Variants in SNX24 observed in about 807,000 individuals in gnomAD.
SNX24 encodes sorting nexin 24.
A neutral mutation model predicts 28.7 loss-of-function variants in SNX24; 22 were observed. That is an observed-to-expected ratio of 0.77 (90% CI 0.55 to 1.10). SNX24 has a LOEUF of 1.10. SNX24 is among the 50% of genes least tolerant of loss of function. The pLI is 0.00. For missense variants in SNX24, 221 were observed against 201.1 expected (o/e 1.10, Z -0.60); for synonymous variants, 69 against 71.5 (o/e 0.96, Z 0.18).
rs533313276 is a variant in SNX24 at position 122,977,667 on chromosome 5, A to G, written c.250-22245A>G. On this transcript the variant is annotated intron_variant, in intron 3 of 6. Coordinates refer to ENST00000261369, the MANE Select transcript of SNX24 (RefSeq NM_014035.4). ...GTTGACTCAAAGCTACTGCACTTCT[A>G]TAGTCATGCTGTTGCTGTTAATTTC... 9.2e-5 allele frequency among the ~76,000 whole-genome samples: 14 copies of G among 152,300 alleles called. No homozygotes were observed. The South Asian group carries it at 1.5e-3, about 16-fold the overall frequency.
chr5:122,914,337 G>C (rs1398742543), intron 1 of SNX24, among the ~76,000 whole-genome samples: 1 of 152,360 alleles, frequency 6.6e-6, no homozygotes, highest in Non-Finnish European at 1.5e-5. Context: ...TGTTCATCAA[G>C]GATATTGGTC....
At chr5:122,852,737 C>G (rs1754981013) in intron 1 of SNX24, among the ~76,000 whole-genome samples, 1 of 152,160 alleles carries the variant, frequency 6.6e-6, no homozygotes, top group African/African-American at 2.4e-5. Context: ...GATTTTTCAA[C>G]ACAGAATTGC....
chr5:122,860,297 C>T (rs1178119378), intron 1 of SNX24, among the ~76,000 whole-genome samples: 3 of 148,428 alleles, frequency 2.0e-5, no homozygotes, highest in Non-Finnish European at 4.4e-5. Flanking sequence ...ACTCCCAGAC[C>T]GCTTAGATAG....
downstream of SNX24, among the ~76,000 whole-genome samples, chr5:123,012,252 T>C (rs1430839999): frequency 6.6e-6 from 1 of 152,196 alleles, no homozygotes; most frequent in African/African-American, 2.4e-5. Flanking sequence ...AACGGACTAA[T>C]ACATATATTC....
intron 1 of SNX24, among the ~76,000 whole-genome samples, chr5:122,916,274 A>C (rs528906536): frequency 2.6e-5 from 4 of 152,268 alleles, no homozygotes; most frequent in South Asian, 2.1e-4. Context: ...TTGCATGAGG[A>C]AAATGTGCTT....
intron 1 of SNX24, among the ~76,000 whole-genome samples, chr5:122,908,027 G>T (rs917225422): frequency 1.3e-5 from 2 of 152,096 alleles, no homozygotes; most frequent in African/African-American, 4.8e-5. Flanking sequence ...AATCAGGTTA[G>T]TAATACATTG....
intron 1 of SNX24, among the ~76,000 whole-genome samples, chr5:122,872,497 GA>G (rs201186267): frequency 0.013 from 1,927 of 152,138 alleles, 20 homozygotes; most frequent in Non-Finnish European, 0.021. Flanking sequence ...ATCCGTGGGG[GA>G]TTGGTTCCAG....
chr5:122,877,131 T>C (rs1756261050), intron 1 of SNX24, among the ~76,000 whole-genome samples: 1 of 152,008 alleles, frequency 6.6e-6, no homozygotes, highest in Admixed American at 6.6e-5. Context: ...GAGGGCACAT[T>C]CTGGTAGGGA....
chr5:122,991,909 C>G (rs565370595), intron 3 of SNX24, among the ~76,000 whole-genome samples: 1 of 152,022 alleles, frequency 6.6e-6, no homozygotes, highest in South Asian at 2.1e-4. Context: ...TTTAATTGAA[C>G]CAATTTCAAT....
rs771674808 is a variant in SNX24, at chr5:122,853,653, T to A, written c.60+7960T>A. 63 of 374,720 alleles carry A rather than the reference T, an allele frequency of 1.7e-4. 2 individuals are homozygous for A. Among genetic ancestry groups the A allele is most frequent in the South Asian group, 1.2e-3 (61 of 49,770 alleles). The allele number at this position is 374,720 out of a possible 1,614,324, so 23.2% of individuals were successfully genotyped here. ...ATGTTATTTTCAAATTTATGTATTT[T>A]AAAAAATTTTTTTCGTACAGGTGAG... is the stretch of plus-strand genomic sequence containing the variant. On this transcript the variant is annotated intron_variant, in intron 1 of 6. Coordinates refer to ENST00000261369, the MANE Select transcript of SNX24 (RefSeq NM_014035.4).
chr5:122,886,391 A>G (rs1756714926), intron 1 of SNX24, among the ~76,000 whole-genome samples: 1 of 151,992 alleles, frequency 6.6e-6, no homozygotes, highest in African/African-American at 2.4e-5. Context: ...CCTCTCTTCT[A>G]TTAGGTGGAT....
intron 1 of SNX24, among the ~76,000 whole-genome samples, chr5:122,846,962 T>A (rs1310628408): frequency 6.6e-6 from 1 of 152,050 alleles, no homozygotes; most frequent in African/African-American, 2.4e-5. Context: ...CAAGGCTTTT[T>A]TTTTTTTTTC....
chr5:122,898,101 A>G (rs1330403585), intron 1 of SNX24, among the ~76,000 whole-genome samples: 1 of 152,178 alleles, frequency 6.6e-6, no homozygotes, highest in Non-Finnish European at 1.5e-5. Context: ...TGGAATTGTG[A>G]TCTGTTGTCT....
chr5:122,857,250 G>A (rs1442728620), intron 1 of SNX24, among the ~76,000 whole-genome samples: 1 of 151,970 alleles, frequency 6.6e-6, no homozygotes, highest in Non-Finnish European at 1.5e-5. Flanking sequence ...GACCTCAGGT[G>A]ATCTGCCTGC....
chr5:122,970,962 G>A (rs1322869060), intron 3 of SNX24, among the ~76,000 whole-genome samples: 1 of 152,216 alleles, frequency 6.6e-6, no homozygotes, highest in African/African-American at 2.4e-5. Flanking sequence ...TAGGATAGAT[G>A]TATGTATGAA....
At chr5:123,028,835 G>A (rs149700756) in intron 5 of SNX24, 16 of 1,613,306 alleles carry the variant, frequency 9.9e-6, no homozygotes, top group Middle Eastern at 1.7e-4. Context: ...TTGATGACAC[G>A]ATGAAACTTG....
At chr5:122,870,856 T>C (rs1050172662) in intron 1 of SNX24, among the ~76,000 whole-genome samples, 7 of 152,154 alleles carry the variant, frequency 4.6e-5, no homozygotes, top group African/African-American at 1.4e-4. Context: ...TGCTGGTGGA[T>C]GGCACATTGG....
At chr5:122,939,088 C>T (rs77686994) in intron 2 of SNX24, among the ~76,000 whole-genome samples, 3,718 of 152,198 alleles carry the variant, frequency 0.024, 140 homozygotes, top group African/African-American at 0.071. Flanking sequence ...TCAGAGTACT[C>T]AGGCTTGACT....
At chr5:122,967,203 A>T (rs532426697) in intron 3 of SNX24, among the ~76,000 whole-genome samples, 1 of 152,326 alleles carries the variant, frequency 6.6e-6, no homozygotes, top group South Asian at 2.1e-4. Context: ...GACTCTCTGC[A>T]GGTGCTTTAC....
Sources: allele counts gnomAD v4.1 joint callset (sites outside exome capture counted in the v4.1 genomes callset), GRCh38; gene constraint gnomAD v4.1.1; transcripts MANE v1.5; gene names NCBI Gene and HGNC (gene_info 2026-07-23, HGNC 2026-07-21).